Variants in MCTP1 observed in about 807,000 individuals in gnomAD.
MCTP1 encodes multiple C2 and transmembrane domain containing 1.
In MCTP1, 69 loss-of-function variants were observed where a neutral mutation model predicts 120.6. The observed-to-expected ratio is 0.57, with a 90% CI of 0.47 to 0.70. The LOEUF (loss-of-function observed/expected upper bound fraction) is 0.70. Ranked by LOEUF, MCTP1 falls within the 30% of genes least tolerant of loss-of-function variation. The probability of loss-of-function intolerance (pLI) is 0.00; values close to 1 mark genes in which losing one functional copy is unlikely to be tolerated. For synonymous variants in MCTP1, 529 were observed against 493.1 expected (o/e 1.07, Z -0.96); for missense variants, 1,203 against 1,248.8 (o/e 0.96, Z 0.55).
chr5:94,903,133 TTC>T, intron 10 of MCTP1, among the ~76,000 whole-genome samples: 1 of 149,492 alleles, frequency 6.7e-6, no homozygotes, highest in Admixed American at 6.6e-5. Flanking sequence ...AATGAACTAT[TTC>T]ACTCAATCAT....
At chr5:94,949,235 G>A (rs1456230000) in intron 3 of MCTP1, among the ~76,000 whole-genome samples, 2 of 152,050 alleles carry the variant, frequency 1.3e-5, no homozygotes, top group African/African-American at 2.4e-5. Context: ...GGATAATAGT[G>A]TCAGTGAAAT....
At chr5:95,177,881 G>T (rs1013865336) in intron 1 of MCTP1, among the ~76,000 whole-genome samples, 1 of 152,162 alleles carries the variant, frequency 6.6e-6, no homozygotes, top group Non-Finnish European at 1.5e-5. Context: ...AAATTGTAGA[G>T]GTAAAATAGG....
chr5:95,112,435 A>G (rs1399861156), intron 1 of MCTP1, among the ~76,000 whole-genome samples: 1 of 152,242 alleles, frequency 6.6e-6, no homozygotes, highest in East Asian at 1.9e-4. Flanking sequence ...AGCTATTTCT[A>G]TCACACTGTA....
chr5:94,721,716 T>C (rs1258575521), intron 19 of MCTP1, among the ~76,000 whole-genome samples: 2 of 152,184 alleles, frequency 1.3e-5, no homozygotes, highest in African/African-American at 4.8e-5. Context: ...TAATGTTCAA[T>C]ACTTTATTGT....
intron 19 of MCTP1, among the ~76,000 whole-genome samples, chr5:94,749,494 A>G (rs958102716): frequency 3.3e-5 from 5 of 152,046 alleles, no homozygotes; most frequent in African/African-American, 1.2e-4. Context: ...GTCTCTACTA[A>G]AAATACAAAA....
intron 19 of MCTP1, among the ~76,000 whole-genome samples, chr5:94,773,482 C>T (rs1484311387): frequency 2.0e-5 from 3 of 152,126 alleles, no homozygotes; most frequent in Non-Finnish European, 4.4e-5. Context: ...TGCCAAGATT[C>T]GCGCCTTCCA....
At chr5:95,083,433 A>G (rs371225535) in intron 1 of MCTP1, among the ~76,000 whole-genome samples, 9 of 152,308 alleles carry the variant, frequency 5.9e-5, no homozygotes, top group South Asian at 4.1e-4. Flanking sequence ...TTTATCTCCT[A>G]TTTACAAAAA....
At chr5:95,012,765 G>A (rs758136483) in intron 2 of MCTP1, among the ~76,000 whole-genome samples, 1 of 152,036 alleles carries the variant, frequency 6.6e-6, no homozygotes, top group Non-Finnish European at 1.5e-5. Context: ...CCGACCAGCT[G>A]TTATCCATCT....
At position 95,182,047 on chromosome 5, in the gene MCTP1, A is replaced by C. The variant is rs141819877; in HGVS notation, c.720+101809T>G. Among the ~76,000 whole-genome samples, 4 of 152,344 alleles carry C rather than the reference A, an allele frequency of 2.6e-5. No homozygotes were observed. In the East Asian group the frequency reaches 7.7e-4, roughly 29 times the overall value. ...CAAATGATAACACAAAATAAAATAAAAATAAAATGTAAATAGAGTTACAAA... is the reference window on the plus strand; with the variant it reads ...CAAATGATAACACAAAATAAAATAACAATAAAATGTAAATAGAGTTACAAA... On this transcript the variant is annotated intron_variant, in intron 1 of 22. Transcript: ENST00000515393.
At chr5:94,755,181 G>C (rs1769474701) in intron 19 of MCTP1, among the ~76,000 whole-genome samples, 1 of 152,028 alleles carries the variant, frequency 6.6e-6, no homozygotes, top group Admixed American at 6.6e-5. Flanking sequence ...GAGAGCTGAG[G>C]CCATGTGTGC....
chr5:95,022,028 A>G (rs930606824), intron 1 of MCTP1, among the ~76,000 whole-genome samples: 4 of 152,194 alleles, frequency 2.6e-5, no homozygotes, highest in Non-Finnish European at 5.9e-5. Context: ...TGTAACATTG[A>G]ATCATCTTCA....
At position 94,871,191 on chromosome 5, in the gene MCTP1, A is replaced by G; in HGVS notation, c.2139+124T>C. 4.2e-6 allele frequency: 3 copies of G among 710,480 alleles called. No individual in the cohort carries two copies. The East Asian group carries it at 8.0e-5, about 19-fold the overall frequency. The allele number at this position is 710,480 out of a possible 1,614,324, so 44.0% of individuals were successfully genotyped here. ...GTGAATTGAGTATGTTAAAATTTTT[A>G]GTGTTCTTATTACAGACCTTGGTTG... is the stretch of plus-strand genomic sequence containing the variant. On this transcript the variant is annotated intron_variant, in intron 14 of 22. Coordinates refer to ENST00000515393, the MANE Select transcript of MCTP1 (RefSeq NM_024717.7).
At chr5:95,111,069 T>C (rs1757414632) in intron 1 of MCTP1, among the ~76,000 whole-genome samples, 1 of 152,174 alleles carries the variant, frequency 6.6e-6, no homozygotes, top group Non-Finnish European at 1.5e-5. Flanking sequence ...CACTACACAA[T>C]CTGCAATACA....
At chr5:94,974,199 T>C (rs1827534000) in intron 2 of MCTP1, among the ~76,000 whole-genome samples, 1 of 152,170 alleles carries the variant, frequency 6.6e-6, no homozygotes, top group African/African-American at 2.4e-5. Flanking sequence ...TGTGGAATGA[T>C]TTATTTCAAT....
intron 19 of MCTP1, among the ~76,000 whole-genome samples, chr5:94,772,667 T>C (rs1774343858): frequency 6.6e-6 from 1 of 152,182 alleles, no homozygotes; most frequent in South Asian, 2.1e-4. Context: ...GGATTGGATA[T>C]GCAGGAAAAT....
At chr5:95,232,978 G>C (rs1229315118) in intron 1 of MCTP1, among the ~76,000 whole-genome samples, 1 of 152,176 alleles carries the variant, frequency 6.6e-6, no homozygotes, top group Admixed American at 6.5e-5. Context: ...AAACCTCATA[G>C]AATTGTAAGG....
chr5:95,023,232 C>G (rs1422646173), intron 1 of MCTP1, among the ~76,000 whole-genome samples: 1 of 152,146 alleles, frequency 6.6e-6, no homozygotes, highest in African/African-American at 2.4e-5. Flanking sequence ...ATGCTCTGGG[C>G]CAAATGCTTA....
At chr5:95,015,799 T>C (rs1836991420) in intron 2 of MCTP1, among the ~76,000 whole-genome samples, 1 of 152,088 alleles carries the variant, frequency 6.6e-6, no homozygotes, top group South Asian at 2.1e-4. Flanking sequence ...GTATTTAGAT[T>C]ATTGCCTATA....
chr5:94,959,083 G>A (rs559991255), intron 2 of MCTP1, among the ~76,000 whole-genome samples: 17 of 152,040 alleles, frequency 1.1e-4, no homozygotes, highest in African/African-American at 3.1e-4. Context: ...CAATCAAGTC[G>A]GCTTCATCCC....
Sources: allele counts gnomAD v4.1 joint callset (sites outside exome capture counted in the v4.1 genomes callset), GRCh38; gene constraint gnomAD v4.1.1; transcripts MANE v1.5; gene names NCBI Gene and HGNC (gene_info 2026-07-23, HGNC 2026-07-21).